Variants in CCDC60 observed in about 807,000 individuals in gnomAD.
CCDC60 encodes coiled-coil domain-containing protein 60.
A neutral mutation model predicts 63.5 loss-of-function variants in CCDC60; 54 were observed. That is an observed-to-expected ratio of 0.85 (90% CI 0.68 to 1.07). The LOEUF is 1.07. Ranked by LOEUF, CCDC60 falls within the 50% of genes least tolerant of loss-of-function variation. CCDC60 has a pLI of 0.00. For synonymous variants in CCDC60, 206 were observed against 238.8 expected (o/e 0.86, Z 1.27); for missense variants, 651 against 684.3 (o/e 0.95, Z 0.54).
At chr12:119,419,861 AAAT>A (rs1462396949) in intron 1 of CCDC60, among the ~76,000 whole-genome samples, 3 of 143,386 alleles carry the variant, frequency 2.1e-5, no homozygotes, top group Admixed American at 7.6e-5. Context: ...GAGAGATGTT[AAAT>A]AATTCTTTTT....
At chr12:119,465,246 G>A (rs142895356) in intron 2 of CCDC60, among the ~76,000 whole-genome samples, 75 of 152,074 alleles carry the variant, frequency 4.9e-4, no homozygotes, top group African/African-American at 1.4e-3. Context: ...CCCGGGAGGC[G>A]GAGGTTGCAG....
chr12:119,512,776 G>T (rs1214953557), intron 7 of CCDC60, among the ~76,000 whole-genome samples: 3 of 152,188 alleles, frequency 2.0e-5, no homozygotes, highest in African/African-American at 7.2e-5. Context: ...ATTTTGAGAT[G>T]CAATCAGGTT....
In CCDC60 at chr12:119,364,413, T is replaced by C. The variant is rs547294683; in HGVS notation, c.90+29147T>C. Among the ~76,000 whole-genome samples, 4 of 152,310 alleles carry C rather than the reference T, an allele frequency of 2.6e-5. No homozygotes were observed. In the South Asian group the frequency reaches 6.2e-4, roughly 24 times the overall value. ...CCTAAAACCCAGGCAACTCCTCATC[T>C]ATACTCTATCACTATAAGTTAATTT... On this transcript the variant is annotated intron_variant, in intron 1 of 13. Transcript: ENST00000327554.
intron 2 of CCDC60, among the ~76,000 whole-genome samples, chr12:119,465,210 G>A (rs1490529173): frequency 6.6e-6 from 1 of 152,132 alleles, no homozygotes; most frequent in Non-Finnish European, 1.5e-5. Flanking sequence ...CTAGTCAGGA[G>A]GCTGAGGCGG....
At chr12:119,451,119 A>G (rs1219009580) in intron 2 of CCDC60, among the ~76,000 whole-genome samples, 1 of 152,174 alleles carries the variant, frequency 6.6e-6, no homozygotes, top group East Asian at 1.9e-4. Flanking sequence ...GTCCTGAAAC[A>G]AAGCAAGGTC....
chr12:119,507,570 G>GCACA (rs1952061552), intron 7 of CCDC60, among the ~76,000 whole-genome samples: 1 of 45,782 alleles, frequency 2.2e-5, no homozygotes, highest in Non-Finnish European at 3.6e-5. Flanking sequence ...ATATATATAT[G>GCACA]TATATATACA....
chr12:119,452,098 A>C (rs942719626), intron 2 of CCDC60, among the ~76,000 whole-genome samples: 1 of 152,212 alleles, frequency 6.6e-6, no homozygotes, highest in Non-Finnish European at 1.5e-5. Flanking sequence ...AGATTCGTTT[A>C]GCCAAAACTC....
Position 119,445,003 on chromosome 12 carries a change from G to C in CCDC60, c.170+16241G>C, listed in dbSNP as rs1041776099. Among the ~76,000 whole-genome samples the C allele has an allele frequency of 5.3e-5, 8 of 151,844 alleles. No homozygotes were observed. In the East Asian group the frequency reaches 1.5e-3, roughly 29 times the overall value. On this transcript the variant is annotated intron_variant, in intron 2 of 13. Transcript: ENST00000327554. ...GATGAACAGTGATGTGGAAGGCAAT[G>C]TTTCCCCAAAGTGAAAATACCCTCA...
intron 2 of CCDC60, chr12:119,433,612 A>G (rs1269568877): frequency 8.6e-6 from 6 of 701,618 alleles, no homozygotes; most frequent in Admixed American, 4.0e-5. Flanking sequence ...TCCCAGTATT[A>G]AATGAGGCGA....
intron 6 of CCDC60, among the ~76,000 whole-genome samples, chr12:119,502,390 G>A (rs192254647): frequency 9.9e-5 from 15 of 152,190 alleles, no homozygotes; most frequent in Admixed American, 2.6e-4. Flanking sequence ...CTTTTCCTCC[G>A]TTGCCAAAAA....
In CCDC60 at chr12:119,540,658, C is replaced by A; in HGVS notation, c.1596C>A (p.Ile532=). The A allele has an allele frequency of 6.2e-7, 1 of 1,614,064 alleles. No individual in the cohort carries two copies. The highest frequency in any genetic ancestry group is 8.5e-7 in the Non-Finnish European group (1 of 1,180,002). Residue 532 remains isoleucine (I), a synonymous_variant, in exon 14 of 14, where the codon ATC becomes ATA. Transcript: ENST00000327554. The part of the protein sequence containing the change: ...HIIHMPQEDY[I]SWLQSRINIP... The stretch of plus-strand genomic sequence containing the variant: ...TCCATATGCCTCAAGAGGATTACAT[C>A]AGCTGGCTGCAGAGCCGGATCAACA...
rs952420845 is a variant in CCDC60 at position 119,410,216 on chromosome 12, T to C, written c.91-18467T>C. ...GTGTGTGTGTCTGTGTGTGTGTGTG[T>C]GTGTGGTTTCCAAATCTCTCTGGAA... is the stretch of plus-strand genomic sequence containing the variant. On this transcript the variant is annotated intron_variant, in intron 1 of 13. Coordinates refer to ENST00000327554, the MANE Select transcript of CCDC60 (RefSeq NM_178499.5). The surrounding 1 kb of genome is among the most constrained non-coding windows in gnomAD (Gnocchi z 4.0). Among the ~76,000 whole-genome samples, 1 of 151,788 alleles carries C rather than the reference T, an allele frequency of 6.6e-6. No individual in the cohort carries two copies. Among genetic ancestry groups the C allele is most frequent in the African/African-American group, 2.4e-5 (1 of 41,284 alleles).
At chr12:119,337,612 G>A (rs1592972781) in intron 1 of CCDC60, among the ~76,000 whole-genome samples, 1 of 152,204 alleles carries the variant, frequency 6.6e-6, no homozygotes, top group Non-Finnish European at 1.5e-5. Flanking sequence ...TTGCACTGCT[G>A]TTAGGTGCTA....
intron 1 of CCDC60, among the ~76,000 whole-genome samples, chr12:119,365,304 G>A (rs1449822413): frequency 6.6e-6 from 1 of 152,052 alleles, no homozygotes. Context: ...ACATGTTCCT[G>A]GCAGTAATGA....
At chr12:119,527,274 G>A (rs1952703075) in intron 11 of CCDC60, among the ~76,000 whole-genome samples, 1 of 152,076 alleles carries the variant, frequency 6.6e-6, no homozygotes, top group Non-Finnish European at 1.5e-5. Context: ...AGGGGGGATG[G>A]TGGGAGGAGG....
At chr12:119,472,836 T>C (rs1446072043) in intron 3 of CCDC60, among the ~76,000 whole-genome samples, 1 of 151,932 alleles carries the variant, frequency 6.6e-6, no homozygotes, top group Non-Finnish European at 1.5e-5. Context: ...CCGCCTGAGC[T>C]TCCCAAAGTG....
chr12:119,429,007 T>C (rs1282432543), intron 2 of CCDC60: 1 of 401,936 alleles, frequency 2.5e-6, no homozygotes. Flanking sequence ...CTTTTCTTCC[T>C]GGACCTGAAT....
chr12:119,435,798 G>A (rs1254449260), intron 2 of CCDC60, among the ~76,000 whole-genome samples: 1 of 152,166 alleles, frequency 6.6e-6, no homozygotes, highest in African/African-American at 2.4e-5. Context: ...TGATTATGAG[G>A]CTATGGTTCC....
At chr12:119,366,357 A>G (rs7313885) in intron 1 of CCDC60, among the ~76,000 whole-genome samples, 149,692 of 152,336 alleles carry the variant, frequency 0.98, 73,572 homozygotes, top group East Asian at 1. Flanking sequence ...GACGGTATTA[A>G]CGGTCATAGC....
Sources: allele counts gnomAD v4.1 joint callset (sites outside exome capture counted in the v4.1 genomes callset), GRCh38; gene constraint gnomAD v4.1.1; non-coding constraint Gnocchi (gnomAD v3.1); transcripts MANE v1.5; gene names NCBI Gene and HGNC (gene_info 2026-07-23, HGNC 2026-07-21).